DYNLL2: variants seen among roughly 807,000 people sequenced by gnomAD.
The protein encoded by DYNLL2 is dynein light chain LC8-type 2.
Under a neutral mutation model 9.7 loss-of-function variants are expected in DYNLL2, and 1 was observed. That is an observed-to-expected ratio of 0.10 (90% CI 0.04 to 0.49). The LOEUF is 0.49. Among genes scored for constraint, DYNLL2 ranks in the 20% least tolerant of loss-of-function variants. The pLI, the probability that DYNLL2 is intolerant of heterozygous loss-of-function variation, is 0.95. For missense variants in DYNLL2, 37 were observed against 115.2 expected, an observed-to-expected ratio of 0.32 and a Z score of 3.11; for synonymous variants, 35 against 40.5, an observed-to-expected ratio of 0.86 and a Z score of 0.52.
rs777131527 is a variant in DYNLL2 at position 58,089,314 on chromosome 17, C to T, written c.*35C>T. 7.5e-6 allele frequency: 12 copies of T among 1,605,616 alleles called. No homozygotes were observed. Among genetic ancestry groups the T allele is most frequent in the African/African-American group, 5.4e-5 (4 of 74,390 alleles). On this transcript the variant is annotated 3_prime_UTR_variant, in exon 3 of 3. Transcript: ENST00000579991. ...GTGAAGGTGTCAGTGGCGGCGGCAG[C>T]GATGGCAAGCAGGCGGCGTTGCTGG...
chr17:58,093,978 G>A lies in DYNLL2; in HGVS notation c.*4699G>A, dbSNP rs777562368. 2 of 152,142 alleles carry A rather than the reference G, an allele frequency of 1.3e-5. No homozygotes were observed. The highest frequency in any genetic ancestry group is 2.9e-5 in the Non-Finnish European group (2 of 68,044). The allele number at this position is 152,142 out of a possible 1,614,324, so 9.4% of individuals were successfully genotyped here. ...CAGACTGCTACTGTGCCAATATAGA[G>A]GTTCATAAGAAAGATAAAAGAGAAC... is the stretch of plus-strand genomic sequence containing the variant. On this transcript the variant is annotated 3_prime_UTR_variant, in exon 3 of 3. Coordinates refer to ENST00000579991, the MANE Select transcript of DYNLL2 (RefSeq NM_080677.3).
At position 58,095,305 on chromosome 17, in the gene DYNLL2, A is replaced by G. The variant is rs1293618057; in HGVS notation, c.*6026A>G. ...ATGAGCATGGCTATGTTCCAATAAA[A>G]CTTTTAAAAAGCAGGGGACAGATTG... On this transcript the variant is annotated 3_prime_UTR_variant, in exon 3 of 3. Transcript: ENST00000579991. The G allele has an allele frequency of 6.6e-6, 1 of 152,190 alleles. No homozygotes were observed. Among genetic ancestry groups the G allele is most frequent in the Non-Finnish European group, 1.5e-5 (1 of 68,020 alleles). The allele number at this position is 152,190 out of a possible 1,614,324, so 9.4% of individuals were successfully genotyped here. A position where few individuals can be genotyped will look rare whatever the true frequency, so the allele number is the denominator to read the frequency against.
In DYNLL2 at chr17:58,089,749, A is replaced by G. The variant is rs1228265100; in HGVS notation, c.*470A>G. 5.0e-6 allele frequency: 2 copies of G among 401,278 alleles called. No homozygotes were observed. The highest frequency in any genetic ancestry group is 8.8e-6 in the Non-Finnish European group (2 of 228,410). 24.9% of individuals were successfully genotyped at this position (401,278 alleles called of 1,614,324 possible). A position where few individuals can be genotyped will look rare whatever the true frequency, so the allele number is the denominator to read the frequency against. On this transcript the variant is annotated 3_prime_UTR_variant, in exon 3 of 3. Coordinates refer to ENST00000579991, the MANE Select transcript of DYNLL2 (RefSeq NM_080677.3). ...GCAGGGGGACAGTGTTGGGATTGTC[A>G]AGGAAAAAGGGGTAGGAAGGAAGGT...
chr17:58,088,540 C>G (rs2075768770), intron 2 of DYNLL2, among the ~76,000 whole-genome samples: 1 of 152,126 alleles, frequency 6.6e-6, no homozygotes, highest in Non-Finnish European at 1.5e-5. Flanking sequence ...GAACTTGTGC[C>G]CCTTAGGGAA....
intron 1 of DYNLL2, among the ~76,000 whole-genome samples, chr17:58,084,661 T>C (rs1379391715): frequency 6.6e-6 from 1 of 152,230 alleles, no homozygotes; most frequent in African/African-American, 2.4e-5. Flanking sequence ...ACCAATATTA[T>C]GTAACCGCAG....
At position 58,090,118 on chromosome 17, in the gene DYNLL2, C is replaced by T. The variant is rs777926042; in HGVS notation, c.*839C>T. 41 of 390,874 alleles carry T rather than the reference C, an allele frequency of 1.0e-4. No individual in the cohort carries two copies. Among genetic ancestry groups the T allele is most frequent in the Non-Finnish European group, 1.6e-4 (36 of 221,900 alleles). The allele number at this position is 390,874 out of a possible 1,614,324, so 24.2% of individuals were successfully genotyped here. A position where few individuals can be genotyped will look rare whatever the true frequency, so the allele number is the denominator to read the frequency against. ...CCTCTGGAGTTCTCTTAGAGCAGCCCCTGTTGTTAGTTGGCTGGCAAGGGA... is the reference window on the plus strand; with the variant it reads ...CCTCTGGAGTTCTCTTAGAGCAGCCTCTGTTGTTAGTTGGCTGGCAAGGGA... On this transcript the variant is annotated 3_prime_UTR_variant, in exon 3 of 3. Coordinates refer to ENST00000579991, the MANE Select transcript of DYNLL2 (RefSeq NM_080677.3).
chr17:58,093,646 G>A lies in DYNLL2; in HGVS notation c.*4367G>A, dbSNP rs1337180133. 1 of 152,148 alleles carries A rather than the reference G, an allele frequency of 6.6e-6. No individual in the cohort carries two copies. The highest frequency in any genetic ancestry group is 6.5e-5 in the Admixed American group (1 of 15,270). 9.4% of individuals were successfully genotyped at this position (152,148 alleles called of 1,614,324 possible). ...TGATGTTCCCTCTCTTGGGGCTCTGGTTTAGCAAGGACAGCGAGGATACTT... is the reference window on the plus strand; with the variant it reads ...TGATGTTCCCTCTCTTGGGGCTCTGATTTAGCAAGGACAGCGAGGATACTT... On this transcript the variant is annotated 3_prime_UTR_variant, in exon 3 of 3. Transcript: ENST00000579991.
At position 58,093,769 on chromosome 17, in the gene DYNLL2, AAGG is replaced by A. The variant is rs1213338570; in HGVS notation, c.*4493_*4495del. The stretch of plus-strand genomic sequence containing the variant: ...GAGAGATGGGTCTCCTGGTATTAGA[AAGG>A]AGAGCAGACGCCTAGAGTTCTGACC... On this transcript the variant is annotated 3_prime_UTR_variant, in exon 3 of 3. Coordinates refer to ENST00000579991, the MANE Select transcript of DYNLL2 (RefSeq NM_080677.3). The A allele has an allele frequency of 6.6e-6, 1 of 152,156 alleles. No individual in the cohort carries two copies. Among genetic ancestry groups the A allele is most frequent in the African/African-American group, 2.4e-5 (1 of 41,406 alleles). The allele number at this position is 152,156 out of a possible 1,614,324, so 9.4% of individuals were successfully genotyped here. A position where few individuals can be genotyped will look rare whatever the true frequency, so the allele number is the denominator to read the frequency against.
intron 2 of DYNLL2, among the ~76,000 whole-genome samples, chr17:58,087,845 A>G (rs1351344229): frequency 2.0e-5 from 3 of 152,190 alleles, no homozygotes; most frequent in Non-Finnish European, 4.4e-5. Context: ...CATGGTGAGG[A>G]AGCAGCTGTG....
intron 1 of DYNLL2, 109 bp from the exon 2 acceptor site, chr17:58,086,973 G>A: frequency 7.5e-7 from 1 of 1,339,950 alleles, no homozygotes; most frequent in Non-Finnish European, 1.0e-6. Context: ...GTTTTCTGTT[G>A]CCCTCACCTT....
At position 58,089,716 on chromosome 17, in the gene DYNLL2, G is replaced by T. The variant is rs1455934328; in HGVS notation, c.*437G>T. On this transcript the variant is annotated 3_prime_UTR_variant, in exon 3 of 3. Transcript: ENST00000579991. ...GGTGGATGCTGCTTTGGGAGGGCCAGGGAGGCTGCAGGGGGACAGTGTTGG... is the reference window on the plus strand; with the variant it reads ...GGTGGATGCTGCTTTGGGAGGGCCATGGAGGCTGCAGGGGGACAGTGTTGG... The T allele has an allele frequency of 1.5e-5, 6 of 407,246 alleles. No individual in the cohort carries two copies. The highest frequency in any genetic ancestry group is 2.1e-5 in the Non-Finnish European group (5 of 233,144). 25.2% of individuals were successfully genotyped at this position (407,246 alleles called of 1,614,324 possible).
At chr17:58,086,236 GGCAGGGGTTGGCAGCATTTTTCTGT>G (rs1182096604) in intron 1 of DYNLL2, among the ~76,000 whole-genome samples, 1 of 152,178 alleles carries the variant, frequency 6.6e-6, no homozygotes, top group Non-Finnish European at 1.5e-5. Flanking sequence ...GCCTGTATAG[GGCAGGGGTTGGCAGCATTTTTCTGT>G]GAAGGGCCAG....
At position 58,089,648 on chromosome 17, in the gene DYNLL2, C is replaced by A. The variant is rs138574553; in HGVS notation, c.*369C>A. On this transcript the variant is annotated 3_prime_UTR_variant, in exon 3 of 3. Coordinates refer to ENST00000579991, the MANE Select transcript of DYNLL2 (RefSeq NM_080677.3). The stretch of plus-strand genomic sequence containing the variant: ...GGAGGGCTGAGGAAAAGAAATAGGT[C>A]TCTGGAGGTGGAACTAAAACTGTGC... The A allele has an allele frequency of 7.7e-4, 326 of 421,070 alleles. 2 individuals are homozygous for A. In the East Asian group the frequency reaches 9.4e-3, roughly 12 times the overall value. The allele number at this position is 421,070 out of a possible 1,614,324, so 26.1% of individuals were successfully genotyped here.
chr17:58,086,739 A>G (rs1217036440), intron 1 of DYNLL2, among the ~76,000 whole-genome samples: 1 of 152,236 alleles, frequency 6.6e-6, no homozygotes, highest in Non-Finnish European at 1.5e-5. Context: ...ACAAGGATTA[A>G]GTAACTTGCC....
chr17:58,089,048 T>TTATCC (rs1288573463), intron 2 of DYNLL2, 94 bp from the exon 3 acceptor site: 30 of 1,497,518 alleles, frequency 2.0e-5, no homozygotes, highest in Non-Finnish European at 2.7e-5. Context: ...ACCAAACGTG[T>TTATCC]CGGTGCTGGA....
chr17:58,091,594 C>T lies in DYNLL2; in HGVS notation c.*2315C>T, dbSNP rs2075780360. 1 of 152,214 alleles carries T rather than the reference C, an allele frequency of 6.6e-6. No homozygotes were observed. Among genetic ancestry groups the T allele is most frequent in the Non-Finnish European group, 1.5e-5 (1 of 68,048 alleles). 9.4% of individuals were successfully genotyped at this position (152,214 alleles called of 1,614,324 possible). A position where few individuals can be genotyped will look rare whatever the true frequency, so the allele number is the denominator to read the frequency against. On this transcript the variant is annotated 3_prime_UTR_variant, in exon 3 of 3. Transcript: ENST00000579991. ...GCCCAAAGCTCTTATCTTTCATACTCCTCCCTTCTCGGCTTTCCTGAACCT... is the reference window on the plus strand; with the variant it reads ...GCCCAAAGCTCTTATCTTTCATACTTCTCCCTTCTCGGCTTTCCTGAACCT...
At position 58,083,656 on chromosome 17, in the gene DYNLL2, G is replaced by T; in HGVS notation, c.-37G>T. 1 of 153,466 alleles carries T rather than the reference G, an allele frequency of 6.5e-6. No homozygotes were observed. The highest frequency in any genetic ancestry group is 1.4e-5 in the Non-Finnish European group (1 of 69,044). 9.5% of individuals were successfully genotyped at this position (153,466 alleles called of 1,614,324 possible). A position where few individuals can be genotyped will look rare whatever the true frequency, so the allele number is the denominator to read the frequency against. On this transcript the variant is annotated 5_prime_UTR_variant, in exon 1 of 3. Transcript: ENST00000579991. ...GCCTCGGGCCATCGCTCCTCCCCAG[G>T]GCCCAGTGCGGACTCGCCTCCGTGA...
In DYNLL2 at chr17:58,089,437, C is replaced by A; in HGVS notation, c.*158C>A. On this transcript the variant is annotated 3_prime_UTR_variant, in exon 3 of 3. Coordinates refer to ENST00000579991, the MANE Select transcript of DYNLL2 (RefSeq NM_080677.3). ...GATTTCATGTGTATGTCGCAGTAAA[C>A]AAAACCAAACCTCTTTCTGTTTAGT... 1 of 897,666 alleles carries A rather than the reference C, an allele frequency of 1.1e-6. No individual in the cohort carries two copies. The highest frequency in any genetic ancestry group is 1.6e-6 in the Non-Finnish European group (1 of 628,980). 55.6% of individuals were successfully genotyped at this position (897,666 alleles called of 1,614,324 possible).
intron 2 of DYNLL2, among the ~76,000 whole-genome samples, chr17:58,087,434 G>A (rs2075764234): frequency 1.3e-5 from 2 of 152,236 alleles, no homozygotes; most frequent in South Asian, 4.1e-4. Flanking sequence ...AGGTGTGTGT[G>A]TGTGTGTGTG....
Sources: allele counts gnomAD v4.1 joint callset (sites outside exome capture counted in the v4.1 genomes callset), GRCh38; gene constraint gnomAD v4.1.1; transcripts MANE v1.5; gene names NCBI Gene and HGNC (gene_info 2026-07-23, HGNC 2026-07-21).